Variants in TAOK3 observed in about 807,000 individuals in gnomAD.
TAOK3 encodes the protein serine/threonine-protein kinase TAO3.
In TAOK3, 40 loss-of-function variants were observed where a neutral mutation model predicts 120.4. That is an observed-to-expected ratio of 0.33 (90% CI 0.26 to 0.43). The LOEUF (loss-of-function observed/expected upper bound fraction) is 0.43. Ranked by LOEUF, TAOK3 falls within the 20% of genes least tolerant of loss-of-function variation. The probability of loss-of-function intolerance (pLI) is 1.00; values close to 1 mark genes in which losing one functional copy is unlikely to be tolerated. For missense variants in TAOK3, 821 were observed against 1,112.1 expected (o/e 0.74, Z 3.72); for synonymous variants, 355 against 387.5 (o/e 0.92, Z 0.99).
chr12:118,205,727 C>CA (rs2038266594), intron 11 of TAOK3, among the ~76,000 whole-genome samples: 1 of 152,162 alleles, frequency 6.6e-6, no homozygotes, highest in Admixed American at 6.5e-5. Context: ...TCTTGTGCCT[C>CA]AGCCTCCCCA....
intron 3 of TAOK3, among the ~76,000 whole-genome samples, chr12:118,248,064 T>A (rs1442878103): frequency 6.6e-6 from 1 of 152,180 alleles, no homozygotes; most frequent in Non-Finnish European, 1.5e-5. Context: ...ATCATTTTCT[T>A]AAATACAACT....
Position 118,161,115 on chromosome 12 carries a change from C to T in TAOK3, c.2139+673G>A, listed in dbSNP as rs76681795. On this transcript the variant is annotated intron_variant, in intron 18 of 20. Coordinates refer to ENST00000392533, the MANE Select transcript of TAOK3 (RefSeq NM_016281.4). This position sits in a 1 kb window ranked among gnomAD's most constrained non-coding sequence, Gnocchi z 4.5. The stretch of plus-strand genomic sequence containing the variant: ...TATGGTGATAGAAATCATTGCTTAG[C>T]TTAGAATTTGACTGAAGAGACGCAT... Among the ~76,000 whole-genome samples the T allele has an allele frequency of 7.4e-3, 1,132 of 152,272 alleles. 16 individuals carry two copies. Among genetic ancestry groups the T allele is most frequent in the African/African-American group, 0.026 (1,064 of 41,538 alleles).
intron 14 of TAOK3, among the ~76,000 whole-genome samples, chr12:118,181,922 C>T (rs1030796040): frequency 2.6e-5 from 4 of 152,196 alleles, no homozygotes; most frequent in African/African-American, 4.8e-5. Context: ...CGATGGCTTA[C>T]GCCTGTAATC....
chr12:118,181,350 G>A (rs1484977998), intron 15 of TAOK3, 21 bp downstream of exon 15: 1 of 1,583,336 alleles, frequency 6.3e-7, no homozygotes. Context: ...GTGGCATGAA[G>A]GCGTGTGTGC....
chr12:118,350,043 C>T (rs907407344), intron 1 of TAOK3, among the ~76,000 whole-genome samples: 3 of 152,188 alleles, frequency 2.0e-5, no homozygotes, highest in Non-Finnish European at 4.4e-5. Context: ...TGAATAAAAT[C>T]TGATAGTTAT....
chr12:118,370,581 G>A (rs950783453), intron 1 of TAOK3, among the ~76,000 whole-genome samples: 2 of 152,158 alleles, frequency 1.3e-5, no homozygotes, highest in African/African-American at 4.8e-5. Flanking sequence ...ACCAGTCCAA[G>A]AGGTGAGGAG....
At chr12:118,263,492 G>C (rs2041318397) in intron 2 of TAOK3, among the ~76,000 whole-genome samples, 1 of 152,160 alleles carries the variant, frequency 6.6e-6, no homozygotes, top group African/African-American at 2.4e-5. Context: ...TCATAAATTA[G>C]ACTTCGTCAG....
At chr12:118,194,420 G>T (rs965969884) in intron 13 of TAOK3, among the ~76,000 whole-genome samples, 7 of 152,086 alleles carry the variant, frequency 4.6e-5, no homozygotes, top group Non-Finnish European at 1.5e-5. Context: ...GGAGAAAGAC[G>T]TTACTACAGA....
chr12:118,170,302 C>T (rs2035920060), intron 17 of TAOK3, among the ~76,000 whole-genome samples: 1 of 152,086 alleles, frequency 6.6e-6, no homozygotes, highest in South Asian at 2.1e-4. Context: ...TCCTTTGAAG[C>T]TGTAATAAGA....
At position 118,161,860 on chromosome 12, in the gene TAOK3, G is replaced by A; in HGVS notation, c.2067C>T (p.Tyr689=). 1.9e-6 allele frequency: 3 copies of A among 1,614,038 alleles called. No homozygotes were observed. Among genetic ancestry groups the A allele is most frequent in the Non-Finnish European group, 2.5e-6 (3 of 1,180,030 alleles). Residue 689 remains tyrosine (Y), a synonymous_variant, in exon 18 of 21, where the codon TAC becomes TAT. Transcript: ENST00000392533. The surrounding 1 kb of genome is among the most constrained non-coding windows in gnomAD (Gnocchi z 4.5). The stretch of plus-strand genomic sequence containing the variant: ...GCAGTTCTCTTTCTCGCCTCTTATT[G>A]TACTCCAGCTGGTTTTCCAGTTCCG... ...HQTELENQLE[Y]NKRRERELHR... is the part of the protein sequence containing the mutation.
intron 3 of TAOK3, among the ~76,000 whole-genome samples, chr12:118,251,629 C>T (rs1237415221): frequency 2.0e-5 from 3 of 152,136 alleles, no homozygotes; most frequent in African/African-American, 7.2e-5. Context: ...TAGTCCTCAC[C>T]TTCAAAAACG....
intron 9 of TAOK3, among the ~76,000 whole-genome samples, chr12:118,223,695 G>A (rs1456750076): frequency 1.3e-5 from 2 of 149,516 alleles, no homozygotes. Flanking sequence ...CCAGGCTGGA[G>A]TGCAGTGGTA....
At chr12:118,247,988 T>C (rs1421478626) in intron 3 of TAOK3, among the ~76,000 whole-genome samples, 2 of 152,206 alleles carry the variant, frequency 1.3e-5, no homozygotes, top group Non-Finnish European at 1.5e-5. Context: ...GCAGTGGTTC[T>C]GAAGTAAAAG....
At chr12:118,329,714 G>A (rs369871276) in intron 1 of TAOK3, among the ~76,000 whole-genome samples, 1 of 151,978 alleles carries the variant, frequency 6.6e-6, no homozygotes, top group African/African-American at 2.4e-5. Flanking sequence ...ATTAACTACT[G>A]CAAAGCTAAA....
chr12:118,336,917 T>C (rs1434482441), intron 1 of TAOK3, among the ~76,000 whole-genome samples: 5 of 151,860 alleles, frequency 3.3e-5, no homozygotes, highest in South Asian at 4.2e-4. Flanking sequence ...ACTAAAGATA[T>C]ACAAATTAGC....
intron 16 of TAOK3, among the ~76,000 whole-genome samples, chr12:118,176,984 C>T (rs1381903916): frequency 6.6e-6 from 1 of 152,102 alleles, no homozygotes; most frequent in Non-Finnish European, 1.5e-5. Context: ...CCAGGCTGGT[C>T]TCCAACTCCT....
intron 1 of TAOK3, among the ~76,000 whole-genome samples, chr12:118,354,672 C>T (rs953073739): frequency 6.6e-6 from 1 of 151,978 alleles, no homozygotes; most frequent in Non-Finnish European, 1.5e-5. Flanking sequence ...GGGTCTTTCC[C>T]GTGCTGTTCT....
At chr12:118,193,133 C>T (rs996838175) in intron 13 of TAOK3, among the ~76,000 whole-genome samples, 2 of 143,226 alleles carry the variant, frequency 1.4e-5, no homozygotes, top group African/African-American at 5.1e-5. Context: ...TCACTGCTAC[C>T]TCTCCACCTC....
At position 118,255,536 on chromosome 12, in the gene TAOK3, A is replaced by G. The variant is rs61945215; in HGVS notation, c.32T>C (p.Ile11Thr). 3.3e-5 allele frequency: 53 copies of G among 1,614,138 alleles called. No homozygotes were observed. Among genetic ancestry groups the G allele is most frequent in the Non-Finnish European group, 4.2e-5 (50 of 1,180,008 alleles). ...ATCATCTTTGTAGAATAGATCGGCA[A>G]TCTCTGGGTCCTTCAGCACCCCTTT... MRKGVLKDPEIADLFYKDDPE... is the reference protein window; with the variant it reads MRKGVLKDPETADLFYKDDPE... The change falls in exon 3 of 21, where the codon ATT (isoleucine) becomes ACT (threonine). Residue 11 changes from isoleucine to threonine, a missense_variant. Around this residue, in one of 2 missense-constraint regions of TAOK3, gnomAD observed 467 missense variants for 540.0 expected, o/e 0.86. Transcript: ENST00000392533.
Sources: gnomAD v4.1 joint callset for allele counts (sites outside exome capture counted in the v4.1 genomes callset) on GRCh38, gnomAD v4.1.1 for gene constraint, gnomAD v4.1.1 regional missense constraint, Gnocchi (gnomAD v3.1) non-coding constraint, MANE v1.5 for transcripts, NCBI Gene and HGNC (gene_info 2026-07-23, HGNC 2026-07-21) for gene names.